Variants in ATP11C observed in about 807,000 individuals in gnomAD.
ATP11C encodes ATPase phospholipid transporting 11C (ATP11C blood group).
A neutral mutation model predicts 97.4 loss-of-function variants in ATP11C; 36 were observed. The observed-to-expected ratio is 0.37, with a 90% confidence interval of 0.28 to 0.49. The LOEUF is 0.49. ATP11C is among the 20% of genes least tolerant of loss of function. The pLI is 0.98. For synonymous variants in ATP11C, 275 were observed against 290.9 expected (o/e 0.95, Z 0.56); for missense variants, 730 against 824.6 (o/e 0.89, Z 1.40).
intron 26 of ATP11C, 57 bp from the exon 27 acceptor site, chrX:139,741,151 C>G (rs761906009): frequency 5.4e-4 from 390 of 724,367 alleles, no homozygotes; most frequent in Non-Finnish European, 7.6e-4. Context: ...CCAGGCAATA[C>G]GCTATAGTAT....
intron 1 of ATP11C, among the ~76,000 whole-genome samples, chrX:139,863,956 G>A (rs1467047211): frequency 2.7e-5 from 3 of 110,014 alleles, no homozygotes; most frequent in Non-Finnish European, 5.7e-5. Context: ...CAGCTACTTG[G>A]AAGGCTGAGA....
At chrX:139,776,902 T>TC (rs1290950906) in intron 18 of ATP11C, among the ~76,000 whole-genome samples, 1 of 111,356 alleles carries the variant, frequency 9.0e-6, no homozygotes, top group African/African-American at 3.3e-5. Flanking sequence ...ACTGAAGCTA[T>TC]CCACAACCAA....
chrX:139,804,581 C>A lies in ATP11C; in HGVS notation c.445G>T (p.Val149Leu). The A allele has an allele frequency of 8.4e-7, 1 of 1,191,200 alleles. No homozygotes were observed. The highest frequency in any genetic ancestry group is 1.1e-6 in the Non-Finnish European group (1 of 883,321). Residue 149 changes from valine (V) to leucine (L), a missense_variant, in exon 6 of 30, where the codon GTA becomes TTA. By Grantham distance (32) the Val-to-Leu change is conservative (BLOSUM62 1). Coordinates refer to ENST00000682941, the MANE Select transcript of ATP11C (RefSeq NM_001353812.2). ...EKIKVGDVVE[V>L]QADETFPCDL... ...CAGGGAAAGGTTTCATCTGCCTGTA[C>A]TTCTACTACATCACCAACCTGGAAT... is the stretch of plus-strand genomic sequence containing the variant.
chrX:139,933,406 G>A (rs1273524809), upstream of ATP11C, among the ~76,000 whole-genome samples: 1 of 111,921 alleles, frequency 8.9e-6, no homozygotes, highest in African/African-American at 3.2e-5. Flanking sequence ...CAAAATGTGC[G>A]CATCAGGAAA....
At chrX:139,734,342 T>C (rs1189513074) in intron 28 of ATP11C, among the ~76,000 whole-genome samples, 1 of 111,586 alleles carries the variant, frequency 9.0e-6, no homozygotes, top group African/African-American at 3.3e-5. Flanking sequence ...TAATGGAATA[T>C]TTCTTCCTGT....
At chrX:139,890,407 C>G (rs1184420282) in intron 1 of ATP11C, among the ~76,000 whole-genome samples, 1 of 110,849 alleles carries the variant, frequency 9.0e-6, no homozygotes, top group Non-Finnish European at 1.9e-5. Flanking sequence ...TGGAACATGC[C>G]TGTGGTTCCA....
intron 5 of ATP11C, among the ~76,000 whole-genome samples, chrX:139,806,275 G>A (rs2083040522): frequency 9.0e-6 from 1 of 111,576 alleles, no homozygotes; most frequent in Admixed American, 9.5e-5. Context: ...TTTAAAGACA[G>A]GGAATAACAT....
At chrX:139,910,465 G>A (rs2085055368) in intron 1 of ATP11C, among the ~76,000 whole-genome samples, 1 of 110,038 alleles carries the variant, frequency 9.1e-6, no homozygotes, top group African/African-American at 3.3e-5. Flanking sequence ...AATTAGCCGG[G>A]CATGGTGGCA....
intron 2 of ATP11C, among the ~76,000 whole-genome samples, chrX:139,821,029 C>T (rs1217120996): frequency 9.0e-6 from 1 of 110,775 alleles, no homozygotes; most frequent in Non-Finnish European, 1.9e-5. Flanking sequence ...TAAGAGGTGA[C>T]TGAAAAGCCA....
At chrX:139,797,725 C>A (rs2086538905) in intron 10 of ATP11C, among the ~76,000 whole-genome samples, 1 of 111,393 alleles carries the variant, frequency 9.0e-6, no homozygotes, top group South Asian at 3.9e-4. Context: ...GTGAAATCCT[C>A]AAGCTCGGTG....
intron 1 of ATP11C, among the ~76,000 whole-genome samples, chrX:139,912,126 G>C: frequency 1.1e-5 from 1 of 87,991 alleles, no homozygotes; most frequent in South Asian, 6.1e-4. Flanking sequence ...AGTAAGCCAA[G>C]ATCACCCCAC....
At position 139,899,007 on chromosome X, in the gene ATP11C, C is replaced by T. The variant is rs191919151; in HGVS notation, c.27+33009G>A. On this transcript the variant is annotated intron_variant, in intron 1 of 29. Coordinates refer to ENST00000682941, the MANE Select transcript of ATP11C (RefSeq NM_001353812.2). ...TGATATGAAATGGCACTTCATCTCT[C>T]GTCTTCCAAAACTCAGTAACACCAG... Among the ~76,000 whole-genome samples the T allele has an allele frequency of 8.9e-5, 10 of 111,780 alleles. No homozygotes were observed. In the East Asian group the frequency reaches 2.8e-3, roughly 31 times the overall value.
chrX:139,907,679 C>T (rs2085003261), intron 1 of ATP11C, among the ~76,000 whole-genome samples: 1 of 108,973 alleles, frequency 9.2e-6, no homozygotes, highest in African/African-American at 3.3e-5. Flanking sequence ...ACCCAGGAGG[C>T]GGAGGTTACA....
intron 1 of ATP11C, among the ~76,000 whole-genome samples, chrX:139,919,254 C>G (rs748985151): frequency 5.0e-4 from 54 of 108,478 alleles, no homozygotes; most frequent in Non-Finnish European, 8.8e-4. Flanking sequence ...AAAAAACACA[C>G]ACATGGCTGG....
intron 23 of ATP11C, among the ~76,000 whole-genome samples, chrX:139,756,012 A>T (rs1433505488): frequency 8.9e-6 from 1 of 112,714 alleles, no homozygotes; most frequent in Non-Finnish European, 1.9e-5. Context: ...GCATACAAGA[A>T]GATGACTATC....
In ATP11C at chrX:139,834,306, C is replaced by T. The variant is rs141632263; in HGVS notation, c.28-7483G>A. Among the ~76,000 whole-genome samples, 245 of 111,408 alleles carry T rather than the reference C, an allele frequency of 2.2e-3. 1 individual carries two copies. The highest frequency in any genetic ancestry group is 4.0e-3 in the Non-Finnish European group (212 of 53,062). On this transcript the variant is annotated intron_variant, in intron 1 of 29. Transcript: ENST00000682941. Reference sequence around the variant, plus strand: ...GGAGGCTGCTGTCCAGAACATATACCGTTAGTATTTTGGAACTGTTGATCT... The same window carrying T: ...GGAGGCTGCTGTCCAGAACATATACTGTTAGTATTTTGGAACTGTTGATCT...
intron 1 of ATP11C, among the ~76,000 whole-genome samples, chrX:139,829,086 G>GTTT (rs2147888926): frequency 8.9e-6 from 1 of 111,757 alleles, no homozygotes; most frequent in South Asian, 3.8e-4. Flanking sequence ...TGCAGGTTTG[G>GTTT]GGTTTTGTGT....
At chrX:139,840,345 T>C (rs2083808587) in intron 1 of ATP11C, among the ~76,000 whole-genome samples, 2 of 112,421 alleles carry the variant, frequency 1.8e-5, no homozygotes, top group Non-Finnish European at 3.7e-5. Context: ...TAAACATAAT[T>C]TAATGTGACT....
At chrX:139,923,483 T>C (rs779402354) in intron 1 of ATP11C, among the ~76,000 whole-genome samples, 4 of 112,044 alleles carry the variant, frequency 3.6e-5, no homozygotes, top group South Asian at 3.8e-4. Flanking sequence ...AGCAGGGCTG[T>C]ACCTTACACA....
Sources: gnomAD v4.1 joint callset for allele counts (sites outside exome capture counted in the v4.1 genomes callset) on GRCh38, gnomAD v4.1.1 for gene constraint, MANE v1.5 for transcripts, NCBI Gene and HGNC (gene_info 2026-07-23, HGNC 2026-07-21) for gene names.